GALP: variants seen among roughly 807,000 people sequenced by gnomAD.
The protein encoded by GALP is galanin-like peptide.
A neutral mutation model predicts 15.2 loss-of-function variants in GALP; 12 were observed. The ratio of observed to expected loss-of-function variants is 0.79; its 90% CI spans 0.51 to 1.28. The LOEUF is 1.28. Ranked by LOEUF, GALP falls within the 50% of genes most tolerant of loss-of-function variation. The pLI is 0.00. For synonymous variants in GALP, 58 were observed against 55.1 expected (o/e 1.05, Z -0.23); for missense variants, 161 against 145.6 (o/e 1.11, Z -0.55).
At chr19:56,182,291 T>C (rs1377483156) in intron 4 of GALP, 39 bp downstream of exon 4, 1 of 1,473,002 alleles carries the variant, frequency 6.8e-7, no homozygotes, top group Non-Finnish European at 9.5e-7. Flanking sequence ...TCCTGCGTCC[T>C]CCCCTGCGGG....
In GALP at chr19:56,185,250, G is replaced by T. The variant is rs560241152; in HGVS notation, c.331G>T (p.Glu111Ter). The change falls in exon 6 of 6, where the codon GAA (glutamate) becomes TAA (stop). Residue 111 changes from glutamate to a stop codon, truncating the protein, a stop_gained. Transcript: ENST00000357330. LOFTEE classifies it high-confidence loss of function. ...GCTCAGCATGAAAATTCCCAAGGAG[G>T]AAGATGTCCTGAAGTCATAGATGTC... is the stretch of plus-strand genomic sequence containing the variant. ...GMLSMKIPKE[E>*]DVLKS 2 of 1,608,048 alleles carry T rather than the reference G, an allele frequency of 1.2e-6. No individual in the cohort carries two copies. Among genetic ancestry groups the T allele is most frequent in the South Asian group, 2.2e-5 (2 of 90,724 alleles).
chr19:56,185,534 G>T lies in GALP; in HGVS notation c.*264G>T. ...AGTTGGGAGATTCTGGGGTAATCAG[G>T]GAATATTCCTGCAACACATTTAAAG... On this transcript the variant is annotated 3_prime_UTR_variant, in exon 6 of 6. Coordinates refer to ENST00000357330, the MANE Select transcript of GALP (RefSeq NM_033106.4). 1 of 322,306 alleles carries T rather than the reference G, an allele frequency of 3.1e-6. No individual in the cohort carries two copies. The highest frequency in any genetic ancestry group is 9.1e-5 in the South Asian group (1 of 10,998). 20.0% of individuals were successfully genotyped at this position (322,306 alleles called of 1,614,324 possible).
intron 2 of GALP, among the ~76,000 whole-genome samples, chr19:56,179,617 G>A (rs371887579): frequency 2.0e-5 from 3 of 151,008 alleles, no homozygotes; most frequent in African/African-American, 4.9e-5. Context: ...TTACCTACTA[G>A]GGTTGTTGGA....
chr19:56,177,242 C>CAGAGGGCAGGGATT, intron 2 of GALP, 47 bp downstream of exon 2: 2 of 1,486,704 alleles, frequency 1.3e-6, no homozygotes, highest in Non-Finnish European at 1.9e-6. Flanking sequence ...CCCCAAATCC[C>CAGAGGGCAGGGATT]TGCCCTCTGG....
At chr19:56,180,915 CTTTTTT>C (rs1174325788) in intron 3 of GALP, among the ~76,000 whole-genome samples, 1 of 40,130 alleles carries the variant, frequency 2.5e-5, no homozygotes, top group African/African-American at 8.8e-5. Flanking sequence ...TTCTTTCTTT[CTTTTTT>C]TTTTTTTTTT....
At position 56,180,590 on chromosome 19, in the gene GALP, G is replaced by C; in HGVS notation, c.92G>C (p.Arg31Pro). Reference sequence around the variant, plus strand: ...GATTTCTGCATCTCTATCCAGGGACGAGGAGGCTGGACCCTCAATAGTGCT... The same window carrying C: ...GATTTCTGCATCTCTATCCAGGGACCAGGAGGCTGGACCCTCAATAGTGCT... ...TPASAPAHRG[R>P]GGWTLNSAGY... Residue 31 changes from arginine to proline, a missense_variant, in exon 3 of 6, where the codon CGA (arginine) becomes CCA (proline). Arg to Pro is a moderately radical substitution (Grantham distance 103). Coordinates refer to ENST00000357330, the MANE Select transcript of GALP (RefSeq NM_033106.4). 1 of 1,613,744 alleles carries C rather than the reference G, an allele frequency of 6.2e-7. No individual in the cohort carries two copies. Among genetic ancestry groups the C allele is most frequent in the Non-Finnish European group, 8.5e-7 (1 of 1,179,766 alleles).
rs141705754 is a variant in GALP at position 56,183,140 on chromosome 19, C to G, written c.223C>G (p.Leu75Val). 1.2e-5 allele frequency: 19 copies of G among 1,611,488 alleles called. No homozygotes were observed. The highest frequency in any genetic ancestry group is 3.3e-5 in the South Asian group (3 of 91,008). The change falls in exon 5 of 6, where the codon CTC becomes GTC. Residue 75 changes from leucine (L) to valine (V), a missense_variant. Leu to Val is a conservative substitution (Grantham distance 32). Transcript: ENST00000357330. ...ILDLWKAIDG[L>V]PYSHPPQPSK... ...TGTTGTATTTTTGTTTCTAGACGGG[C>G]TCCCCTACTCCCACCCTCCACAGCC...
chr19:56,177,209 A>C lies in GALP; in HGVS notation c.87+14A>C, dbSNP rs1314417182. 6.2e-7 allele frequency: 1 copy of C among 1,605,162 alleles called. No homozygotes were observed. The highest frequency in any genetic ancestry group is 1.7e-5 in the Admixed American group (1 of 59,888). ...CCTGCCCACCGGGTAACGCCTCCCTAAGTTCCTCGGAAACAACAGTGTCCC... is the reference window on the plus strand; with the variant it reads ...CCTGCCCACCGGGTAACGCCTCCCTCAGTTCCTCGGAAACAACAGTGTCCC... On this transcript the variant is annotated intron_variant, in intron 2 of 5. Transcript: ENST00000357330.
rs2032567086 is a variant in GALP at position 56,181,491 on chromosome 19, G to C, written c.137-681G>C. Among the ~76,000 whole-genome samples the C allele has an allele frequency of 2.2e-5, 3 of 134,582 alleles. No individual in the cohort carries two copies. In the Admixed American group the frequency reaches 2.7e-4, roughly 12 times the overall value. 88.3% of individuals were successfully genotyped at this position (134,582 alleles called of 152,430 possible). A position where few individuals can be genotyped will look rare whatever the true frequency, so the allele number is the denominator to read the frequency against. On this transcript the variant is annotated intron_variant, in intron 3 of 5. Coordinates refer to ENST00000357330, the MANE Select transcript of GALP (RefSeq NM_033106.4). The stretch of plus-strand genomic sequence containing the variant: ...CCAATCTTGGCTCACAGCAACCTCT[G>C]CTTCCCGGATTCAAGCAATTCTCCT...
In GALP at chr19:56,185,205, T is replaced by G. The variant is rs1234249947; in HGVS notation, c.296-10T>G. 2 of 1,594,020 alleles carry G rather than the reference T, an allele frequency of 1.3e-6. No homozygotes were observed. The highest frequency in any genetic ancestry group is 4.5e-5 in the East Asian group (2 of 44,658). On this transcript the variant is annotated splice_polypyrimidine_tract_variant and intron_variant, in intron 5 of 5. Coordinates refer to ENST00000357330, the MANE Select transcript of GALP (RefSeq NM_033106.4). ...AAACCATTCAAAGTTTACCTCTTTC[T>G]TTCCCACAGATCTGGGCATGCTCAG...
At chr19:56,177,218 G>C in intron 2 of GALP, 23 bp downstream of exon 2, 2 of 1,585,568 alleles carry the variant, frequency 1.3e-6, no homozygotes, top group Non-Finnish European at 1.7e-6. Flanking sequence ...TAAGTTCCTC[G>C]GAAACAACAG....
At position 56,177,130 on chromosome 19, in the gene GALP, CT is replaced by C. The variant is rs2032477455; in HGVS notation, c.23del (p.Leu8ArgfsTer9). 6 of 1,613,476 alleles carry C rather than the reference CT, an allele frequency of 3.7e-6. No homozygotes were observed. Among genetic ancestry groups the C allele is most frequent in the Middle Eastern group, 3.3e-4 (2 of 6,082 alleles). On this transcript the variant is annotated frameshift_variant, in exon 2 of 6. Transcript: ENST00000357330. LOFTEE classifies it high-confidence loss of function. The stretch of plus-strand genomic sequence containing the variant: ...TTCGATGGCTCCTCCCTCCGTCCCC[CT>C]GGTCCTCCTCCTCGTCCTCTTGCTG... MAPPSVP[L>X]VLLLVLLLSL... is the part of the protein sequence containing the mutation.
intron 5 of GALP, 116 bp downstream of exon 5, chr19:56,183,328 C>A: frequency 1.2e-6 from 1 of 813,024 alleles, no homozygotes; most frequent in Non-Finnish European, 2.1e-6. Flanking sequence ...AACCAGGGAC[C>A]TCCTCACCTG....
At chr19:56,183,661 G>T (rs550950913) in intron 5 of GALP, among the ~76,000 whole-genome samples, 1 of 152,116 alleles carries the variant, frequency 6.6e-6, no homozygotes, top group Non-Finnish European at 1.5e-5. Flanking sequence ...GCAATGGTGC[G>T]ATCTTGGCTG....
chr19:56,176,858 T>C (rs2032470884), intron 1 of GALP, among the ~76,000 whole-genome samples: 1 of 128,908 alleles, frequency 7.8e-6, no homozygotes, highest in Non-Finnish European at 1.6e-5. Context: ...GCATGGGCGC[T>C]GGGGGACCAG....
At position 56,177,163 on chromosome 19, in the gene GALP, G is replaced by A. The variant is rs868144718; in HGVS notation, c.55G>A (p.Ala19Thr). Residue 19 changes from alanine (A) to threonine (T), a missense_variant, in exon 2 of 6, where the codon GCA becomes ACA. Ala to Thr is a moderately conservative substitution (Grantham distance 58, BLOSUM62 0). Coordinates refer to ENST00000357330, the MANE Select transcript of GALP (RefSeq NM_033106.4). ...VLLLVLLLSL[A>T]ETPASAPAHR... ...CCTCCTCGTCCTCTTGCTGAGCCTGGCAGAGACTCCAGCATCCGCACCTGC... is the reference window on the plus strand; with the variant it reads ...CCTCCTCGTCCTCTTGCTGAGCCTGACAGAGACTCCAGCATCCGCACCTGC... The A allele has an allele frequency of 6.2e-7, 1 of 1,613,498 alleles. No homozygotes were observed. Among genetic ancestry groups the A allele is most frequent in the Non-Finnish European group, 8.5e-7 (1 of 1,179,874 alleles).
In GALP at chr19:56,182,190, T is replaced by C; in HGVS notation, c.155T>C (p.Met52Thr). The C allele has an allele frequency of 6.2e-7, 1 of 1,613,856 alleles. No homozygotes were observed. Among genetic ancestry groups the C allele is most frequent in the Non-Finnish European group, 8.5e-7 (1 of 1,179,778 alleles). Residue 52 changes from methionine (M) to threonine (T), a missense_variant, in exon 4 of 6, where the codon ATG becomes ACG. By Grantham distance (81) the Met-to-Thr change is moderately conservative. Coordinates refer to ENST00000357330, the MANE Select transcript of GALP (RefSeq NM_033106.4). ...LLGPVLHLPQ[M>T]GDQDGKRETA... Reference sequence around the variant, plus strand: ...TACCCAGTCCTCCACCTTCCCCAAATGGGTGACCAAGACGGAAAGAGGGAG... The same window carrying C: ...TACCCAGTCCTCCACCTTCCCCAAACGGGTGACCAAGACGGAAAGAGGGAG...
chr19:56,176,935 A>T, intron 1 of GALP, 135 bp from the exon 2 acceptor site: 1 of 569,464 alleles, frequency 1.8e-6, no homozygotes, highest in Non-Finnish European at 3.1e-6. Context: ...ACTCCTCAAG[A>T]TGTGTACATT....
chr19:56,180,200 C>CA (rs1181638347), intron 2 of GALP, among the ~76,000 whole-genome samples: 3 of 152,330 alleles, frequency 2.0e-5, no homozygotes, highest in East Asian at 1.9e-4. Context: ...GCATGAGCAC[C>CA]ACCCCCAGGC....
Sources: gnomAD v4.1 joint callset for allele counts (sites outside exome capture counted in the v4.1 genomes callset) on GRCh38, gnomAD v4.1.1 for gene constraint, MANE v1.5 for transcripts, NCBI Gene and HGNC (gene_info 2026-07-23, HGNC 2026-07-21) for gene names.